Variants in STYK1 observed in about 807,000 individuals in gnomAD.
STYK1 encodes the protein tyrosine-protein kinase STYK1.
A neutral mutation model predicts 48.1 loss-of-function variants in STYK1; 46 were observed. The ratio of observed to expected loss-of-function variants is 0.96; its 90% CI spans 0.75 to 1.22. The LOEUF is 1.22. STYK1 is among the 50% of genes most tolerant of loss of function. The pLI, the probability that STYK1 is intolerant of heterozygous loss-of-function variation, is 0.00. For missense variants in STYK1, 527 were observed against 521.1 expected, an observed-to-expected ratio of 1.01 and a Z score of -0.11; for synonymous variants, 188 against 189.0, an observed-to-expected ratio of 0.99 and a Z score of 0.04.
At chr12:10,649,874 A>C (rs924638768) in intron 1 of STYK1, among the ~76,000 whole-genome samples, 6 of 152,148 alleles carry the variant, frequency 3.9e-5, no homozygotes, top group Non-Finnish European at 8.8e-5. Context: ...GCACTTTGGG[A>C]GGTTGAGGCG....
chr12:10,649,880 A>G (rs1169191712), intron 1 of STYK1, among the ~76,000 whole-genome samples: 1 of 152,160 alleles, frequency 6.6e-6, no homozygotes, highest in Non-Finnish European at 1.5e-5. Context: ...TGGGAGGTTG[A>G]GGCGGGCGGA....
intron 1 of STYK1, among the ~76,000 whole-genome samples, chr12:10,652,608 T>C (rs16922807): frequency 0.021 from 3,236 of 152,338 alleles, 104 homozygotes; most frequent in African/African-American, 0.073. Context: ...CTTGAGGATC[T>C]GTTAAATCCT....
At chr12:10,664,051 G>A (rs1439350715) in intron 1 of STYK1, among the ~76,000 whole-genome samples, 2 of 152,124 alleles carry the variant, frequency 1.3e-5, no homozygotes, top group East Asian at 1.9e-4. Flanking sequence ...AGAACAGGTC[G>A]GGCAACAAAT....
In STYK1 at chr12:10,670,740, C is replaced by T. The variant is rs1481370090; in HGVS notation, c.-195+3226G>A. 2.0e-5 allele frequency among the ~76,000 whole-genome samples: 3 copies of T among 151,354 alleles called. 1 individual carries two copies. The highest frequency in any genetic ancestry group is 7.3e-5 in the African/African-American group (3 of 41,268). On this transcript the variant is annotated intron_variant, in intron 1 of 10. Transcript: ENST00000075503. ...TAAGACAGTAGATGTTAAGTGTTCTCATCACAAAAATATGTGAAATAATAC... is the reference window on the plus strand; with the variant it reads ...TAAGACAGTAGATGTTAAGTGTTCTTATCACAAAAATATGTGAAATAATAC...
At chr12:10,647,859 C>A (rs138760257) in intron 1 of STYK1, among the ~76,000 whole-genome samples, 55 of 152,256 alleles carry the variant, frequency 3.6e-4, no homozygotes, top group Middle Eastern at 6.8e-3. Flanking sequence ...TCTCTCTTTG[C>A]CTGCCATCAT....
intron 1 of STYK1, among the ~76,000 whole-genome samples, chr12:10,658,315 A>G (rs1947740398): frequency 6.6e-6 from 1 of 152,224 alleles, no homozygotes. Flanking sequence ...AGTACACTGT[A>G]AAATCTGGCT....
intron 1 of STYK1, among the ~76,000 whole-genome samples, chr12:10,656,661 A>AT (rs1947722855): frequency 6.6e-6 from 1 of 152,082 alleles, no homozygotes; most frequent in African/African-American, 2.4e-5. Context: ...AAAACAAGGG[A>AT]TTAATACAAT....
chr12:10,630,777 A>G (rs1947417740), intron 5 of STYK1, among the ~76,000 whole-genome samples: 1 of 152,106 alleles, frequency 6.6e-6, no homozygotes, highest in Non-Finnish European at 1.5e-5. Context: ...ACCCACAGCT[A>G]ACATCTTACT....
At chr12:10,660,769 G>A (rs1947768573) in intron 1 of STYK1, among the ~76,000 whole-genome samples, 1 of 152,136 alleles carries the variant, frequency 6.6e-6, no homozygotes, top group Non-Finnish European at 1.5e-5. Flanking sequence ...ACTGCCACCA[G>A]TGTCATGACA....
chr12:10,627,489 TATCC>T lies in STYK1; in HGVS notation c.717+148_717+151del. 4.9e-6 allele frequency: 3 copies of T among 612,846 alleles called. No homozygotes were observed. The South Asian group carries it at 7.1e-5, about 15-fold the overall frequency. 38.0% of individuals were successfully genotyped at this position (612,846 alleles called of 1,614,324 possible). On this transcript the variant is annotated intron_variant, in intron 7 of 10. Transcript: ENST00000075503. ...CCTAAGGAAGGGACTAAAAACAATT[TATCC>T]ATGCTTGAGTTTCTGCCCCCTAACT...
intron 1 of STYK1, among the ~76,000 whole-genome samples, chr12:10,663,417 A>G (rs1271167687): frequency 6.6e-6 from 1 of 151,720 alleles, no homozygotes; most frequent in Non-Finnish European, 1.5e-5. Flanking sequence ...TCGAGACCAC[A>G]GTGAAACCCG....
intron 1 of STYK1, chr12:10,667,594 T>C (rs12302736): frequency 0.25 from 38,469 of 152,324 alleles, 5,267 homozygotes; most frequent in African/African-American, 0.35. Flanking sequence ...CATCCCACTG[T>C]ACTCCAGCCT....
intron 1 of STYK1, among the ~76,000 whole-genome samples, chr12:10,671,472 A>G (rs1456229374): frequency 6.6e-6 from 1 of 152,148 alleles, no homozygotes; most frequent in East Asian, 1.9e-4. Context: ...CATGAGAAAC[A>G]CTTTACCGGC....
chr12:10,640,959 A>G (rs1947536784), intron 1 of STYK1, among the ~76,000 whole-genome samples: 1 of 152,194 alleles, frequency 6.6e-6, no homozygotes, highest in Admixed American at 6.5e-5. Context: ...CAAATTCAAA[A>G]CAGTTTATTT....
chr12:10,629,755 A>G, intron 5 of STYK1, 81 bp from the exon 6 acceptor site: 10 of 1,536,536 alleles, frequency 6.5e-6, no homozygotes, highest in Non-Finnish European at 9.0e-6. Flanking sequence ...AGGCAACTTA[A>G]GATGTTAATT....
Position 10,637,576 on chromosome 12 carries a change from C to T in STYK1, c.-194-380G>A, listed in dbSNP as rs181221054. Among the ~76,000 whole-genome samples the T allele has an allele frequency of 5.3e-3, 813 of 152,110 alleles. 3 individuals carry two copies. The highest frequency in any genetic ancestry group is 0.018 in the African/African-American group (751 of 41,486). ...CAGGATGGTCTCGATCTCCTGACCTCGTGATCCACCTGCCTTGGCCTCCCA... is the reference window on the plus strand; with the variant it reads ...CAGGATGGTCTCGATCTCCTGACCTTGTGATCCACCTGCCTTGGCCTCCCA... On this transcript the variant is annotated intron_variant, in intron 1 of 10. Transcript: ENST00000075503.
In STYK1 at chr12:10,620,107, A is replaced by G. The variant is rs753996234; in HGVS notation, c.*37T>C. On this transcript the variant is annotated 3_prime_UTR_variant, in exon 11 of 11. Transcript: ENST00000075503. The stretch of plus-strand genomic sequence containing the variant: ...TCTTAGAGGAATTGATTCCAAGAAC[A>G]TATACTCATGCATGAATGTTTCTTG... 2 of 1,609,922 alleles carry G rather than the reference A, an allele frequency of 1.2e-6. No individual in the cohort carries two copies. Among genetic ancestry groups the G allele is most frequent in the Non-Finnish European group, 1.7e-6 (2 of 1,176,224 alleles).
chr12:10,620,818 G>C (rs1865895809), intron 10 of STYK1, among the ~76,000 whole-genome samples: 1 of 152,202 alleles, frequency 6.6e-6, no homozygotes, highest in Admixed American at 6.5e-5. Flanking sequence ...CCTAGAAGCT[G>C]CTGCTAGAAT....
intron 1 of STYK1, among the ~76,000 whole-genome samples, chr12:10,647,641 T>G (rs1328784416): frequency 1.3e-5 from 2 of 152,118 alleles, no homozygotes; most frequent in East Asian, 3.9e-4. Context: ...TGTGAAGACA[T>G]GAGATTCGGG....
Sources: allele counts gnomAD v4.1 joint callset (sites outside exome capture counted in the v4.1 genomes callset), GRCh38; gene constraint gnomAD v4.1.1; transcripts MANE v1.5; gene names NCBI Gene and HGNC (gene_info 2026-07-23, HGNC 2026-07-21).